OTUD7B: variants seen among roughly 807,000 people sequenced by gnomAD.
OTUD7B encodes the protein OTU domain-containing protein 7B.
A neutral mutation model predicts 82.2 loss-of-function variants in OTUD7B; 34 were observed. The observed-to-expected ratio is 0.41, with a 90% CI of 0.31 to 0.55. The LOEUF is 0.55. OTUD7B is among the 20% of genes least tolerant of loss of function. OTUD7B has a pLI of 0.20. For missense variants in OTUD7B, 944 were observed against 1,062.1 expected, an observed-to-expected ratio of 0.89 and a Z score of 1.55; for synonymous variants, 398 against 402.7, an observed-to-expected ratio of 0.99 and a Z score of 0.14.
At chr1:149,950,800 T>C (rs34544346) in intron 7 of OTUD7B, among the ~76,000 whole-genome samples, 1 of 58,878 alleles carries the variant, frequency 1.7e-5, no homozygotes, top group African/African-American at 6.3e-5. Context: ...TTTTTTTTTC[T>C]TTTTTTTTTT....
intron 1 of OTUD7B, among the ~76,000 whole-genome samples, chr1:149,987,843 T>C (rs1651258084): frequency 6.6e-6 from 1 of 152,272 alleles, no homozygotes; most frequent in South Asian, 2.1e-4. Context: ...AGATGGTCTC[T>C]CAAAAATAAC....
chr1:149,986,116 A>G (rs1651117020), intron 1 of OTUD7B, among the ~76,000 whole-genome samples: 1 of 151,952 alleles, frequency 6.6e-6, no homozygotes, highest in Non-Finnish European at 1.5e-5. Context: ...TTGTCTCCCC[A>G]CTAAACCAGG....
intron 1 of OTUD7B, among the ~76,000 whole-genome samples, chr1:149,985,397 A>AC (rs1651060213): frequency 6.6e-6 from 1 of 151,970 alleles, no homozygotes; most frequent in Non-Finnish European, 1.5e-5. Flanking sequence ...ACAGAGCGAG[A>AC]CCCCATCTCA....
chr1:149,982,841 C>CTTTTTTTTT (rs34122678), intron 1 of OTUD7B, among the ~76,000 whole-genome samples: 1 of 84,176 alleles, frequency 1.2e-5, no homozygotes, highest in Non-Finnish European at 2.0e-5. Context: ...TCCTCTCTTA[C>CTTTTTTTTT]TTTTTTTTTT....
Position 149,944,346 on chromosome 1 carries a change from T to A in OTUD7B, c.2043A>T (p.Ala681=). Residue 681 remains alanine (A), a synonymous_variant, in exon 12 of 12, where the codon GCA becomes GCT. Transcript: ENST00000581312. The part of the protein sequence containing the change: ...AREEQPTGPP[A]ESRAMAFSTG... ...TGGAAAATGCCATTGCCCTGGACTC[T>A]GCTGGGGGACCGGTCGGCTGCTCTT... is the stretch of plus-strand genomic sequence containing the variant. 6.2e-7 allele frequency: 1 copy of A among 1,613,428 alleles called. No homozygotes were observed. The highest frequency in any genetic ancestry group is 2.2e-5 in the East Asian group (1 of 44,870).
At chr1:149,969,276 T>G (rs1367513296) in intron 3 of OTUD7B, among the ~76,000 whole-genome samples, 1 of 152,058 alleles carries the variant, frequency 6.6e-6, no homozygotes, top group Non-Finnish European at 1.5e-5. Context: ...TGAGCTGTGT[T>G]CCACCAGCCT....
chr1:149,942,144 T>A lies in OTUD7B; in HGVS notation c.*1713A>T, dbSNP rs1283195741. ...TGCATGCACGCTCAAGTGCTTTAGA[T>A]CAAATGTGGGGATTACGTTCCAAGG... On this transcript the variant is annotated 3_prime_UTR_variant, in exon 12 of 12. Coordinates refer to ENST00000581312, the MANE Select transcript of OTUD7B (RefSeq NM_020205.4). 6.6e-6 allele frequency: 1 copy of A among 152,498 alleles called. No individual in the cohort carries two copies. The highest frequency in any genetic ancestry group is 1.5e-5 in the Non-Finnish European group (1 of 68,030). 9.4% of individuals were successfully genotyped at this position (152,498 alleles called of 1,614,324 possible). A position where few individuals can be genotyped will look rare whatever the true frequency, so the allele number is the denominator to read the frequency against.
At chr1:149,946,409 G>A (rs1002601334) in intron 11 of OTUD7B, among the ~76,000 whole-genome samples, 15 of 152,064 alleles carry the variant, frequency 9.9e-5, no homozygotes, top group Non-Finnish European at 1.5e-5. Flanking sequence ...AGACTGGCTG[G>A]AGAGGAGATG....
At chr1:150,008,219 A>T (rs1187933011) in intron 1 of OTUD7B, among the ~76,000 whole-genome samples, 1 of 152,210 alleles carries the variant, frequency 6.6e-6, no homozygotes, top group African/African-American at 2.4e-5. Flanking sequence ...TATGCAGTTC[A>T]ACTTAGGGAG....
In OTUD7B at chr1:150,006,013, G is replaced by A. The variant is rs587634721; in HGVS notation, c.-67+4435C>T. ...TCTACAAATGGATTATTCATTTTAC[G>A]GATTTCTAAGGCCAAATCTTTAATG... On this transcript the variant is annotated intron_variant, in intron 1 of 11. Transcript: ENST00000581312. Among the ~76,000 whole-genome samples, 24 of 152,058 alleles carry A rather than the reference G, an allele frequency of 1.6e-4. No homozygotes were observed. The East Asian group carries it at 2.9e-3, about 18-fold the overall frequency.
intron 11 of OTUD7B, among the ~76,000 whole-genome samples, chr1:149,946,276 T>C (rs910649287): frequency 6.6e-6 from 1 of 151,278 alleles, no homozygotes; most frequent in Non-Finnish European, 1.5e-5. Flanking sequence ...GGCAGGAGAA[T>C]CGCTTGAACC....
chr1:150,035,136 C>T, the OTUD7B span, among the ~76,000 whole-genome samples: 3 of 50,410 alleles, frequency 6.0e-5, no homozygotes, highest in Admixed American at 2.8e-4. Flanking sequence ...AAGAGCGAAA[C>T]TTCATCTCAA....
intron 1 of OTUD7B, among the ~76,000 whole-genome samples, chr1:150,006,134 CAAA>C (rs1281152864): frequency 3.3e-5 from 5 of 152,060 alleles, no homozygotes; most frequent in African/African-American, 1.2e-4. Context: ...GTATGATCCC[CAAA>C]AATGAAAATA....
At position 149,944,116 on chromosome 1, in the gene OTUD7B, C is replaced by T; in HGVS notation, c.2273G>A (p.Gly758Glu). Residue 758 changes from glycine to glutamate, a missense_variant, in exon 12 of 12, where the codon GGA becomes GAA. Coordinates refer to ENST00000581312, the MANE Select transcript of OTUD7B (RefSeq NM_020205.4). The stretch of plus-strand genomic sequence containing the variant: ...TGGTAACAAGGCACCCCTGTGAAGT[C>T]CATCCTTAGAGTGGCTGCCTGGCTC... ...SLEPGSHSKD[G>E]LHRGALLPPP... 6.2e-7 allele frequency: 1 copy of T among 1,614,086 alleles called. No individual in the cohort carries two copies. Among genetic ancestry groups the T allele is most frequent in the Non-Finnish European group, 8.5e-7 (1 of 1,179,990 alleles).
Position 149,967,367 on chromosome 1 carries a change from G to A in OTUD7B, c.429C>T (p.Tyr143=). Residue 143 remains tyrosine (Y), a synonymous_variant, in exon 4 of 12, where the codon TAC becomes TAT. Transcript: ENST00000581312. ...CAFQLPDLTV[Y]NEDFRSFIER... ...CTATGAAGCTGCGGAAGTCTTCATT[G>A]TATACAGTGAGATCTGGAAGCTGGA... 6.2e-7 allele frequency: 1 copy of A among 1,614,172 alleles called. No homozygotes were observed. Among genetic ancestry groups the A allele is most frequent in the Non-Finnish European group, 8.5e-7 (1 of 1,180,016 alleles).
At chr1:150,047,515 C>A in the OTUD7B span, among the ~76,000 whole-genome samples, 1 of 152,006 alleles carries the variant, frequency 6.6e-6, no homozygotes, top group Non-Finnish European at 1.5e-5. Context: ...TTTTCAATCC[C>A]ATATTTCCAT....
chr1:150,035,433 T>A, the OTUD7B span, among the ~76,000 whole-genome samples: 1 of 152,140 alleles, frequency 6.6e-6, no homozygotes, highest in Non-Finnish European at 1.5e-5. Flanking sequence ...ATGGGTGGCA[T>A]GGATGCCCTC....
At chr1:150,008,118 G>C (rs587596940) in intron 1 of OTUD7B, among the ~76,000 whole-genome samples, 10 of 152,314 alleles carry the variant, frequency 6.6e-5, no homozygotes, top group African/African-American at 2.4e-4. Context: ...AAAGCCTCCT[G>C]AGAACTAGGA....
At chr1:149,985,901 T>C (rs1243658120) in intron 1 of OTUD7B, among the ~76,000 whole-genome samples, 1 of 152,170 alleles carries the variant, frequency 6.6e-6, no homozygotes, top group Non-Finnish European at 1.5e-5. Flanking sequence ...TTGCACATAT[T>C]GTTCCCTCTA....
Sources: gnomAD v4.1 joint callset for allele counts (sites outside exome capture counted in the v4.1 genomes callset) on GRCh38, gnomAD v4.1.1 for gene constraint, MANE v1.5 for transcripts, NCBI Gene and HGNC (gene_info 2026-07-23, HGNC 2026-07-21) for gene names.